GALNTL6: variants seen among roughly 807,000 people sequenced by gnomAD.
The protein encoded by GALNTL6 is polypeptide N-acetylgalactosaminyltransferase like 6.
GALNTL6 carries 46 observed loss-of-function variants against 73.7 expected under a neutral mutation model. The observed-to-expected ratio is 0.62, with a 90% confidence interval of 0.49 to 0.80. The LOEUF (loss-of-function observed/expected upper bound fraction) is 0.80. Among genes scored for constraint, GALNTL6 ranks in the 30% least tolerant of loss-of-function variants. The probability of loss-of-function intolerance (pLI) is 0.00; values close to 1 mark genes in which losing one functional copy is unlikely to be tolerated. For missense variants in GALNTL6, 604 were observed against 755.0 expected (o/e 0.80, Z 2.34); for synonymous variants, 259 against 263.7 (o/e 0.98, Z 0.17).
chr4:172,724,401 C>G (rs1211133601), intron 5 of GALNTL6, among the ~76,000 whole-genome samples: 1 of 152,186 alleles, frequency 6.6e-6, no homozygotes, highest in African/African-American at 2.4e-5. Flanking sequence ...TAAGGAAACT[C>G]AGGACTAGTG....
intron 2 of GALNTL6, among the ~76,000 whole-genome samples, chr4:172,029,656 G>C (rs1741706235): frequency 6.6e-6 from 1 of 152,036 alleles, no homozygotes; most frequent in Non-Finnish European, 1.5e-5. Flanking sequence ...TTCTGTAATA[G>C]AAATATCATG....
chr4:172,606,555 ATATATATATACATATACATAGTATATG>A (rs1738277889), intron 5 of GALNTL6, among the ~76,000 whole-genome samples: 3 of 130,786 alleles, frequency 2.3e-5, no homozygotes, highest in African/African-American at 8.0e-5. Flanking sequence ...AAGTGTATAT[ATATATATATACATATACATAGTATATG>A]TATATATATA....
At chr4:172,022,085 G>A (rs1311516804) in intron 2 of GALNTL6, among the ~76,000 whole-genome samples, 1 of 151,956 alleles carries the variant, frequency 6.6e-6, no homozygotes, top group Non-Finnish European at 1.5e-5. Context: ...ATGGATGAAT[G>A]GGATCACATC....
chr4:172,699,035 C>T (rs1348476595), intron 5 of GALNTL6, among the ~76,000 whole-genome samples: 5 of 152,074 alleles, frequency 3.3e-5, no homozygotes, highest in African/African-American at 4.8e-5. Context: ...TTGGCAGATT[C>T]GGTGTTTAGA....
At chr4:171,866,957 T>C (rs1314024124) in intron 2 of GALNTL6, among the ~76,000 whole-genome samples, 1 of 152,180 alleles carries the variant, frequency 6.6e-6, no homozygotes, top group Non-Finnish European at 1.5e-5. Context: ...TACAGGTATT[T>C]ACAAAATAAG....
intron 5 of GALNTL6, among the ~76,000 whole-genome samples, chr4:172,443,609 T>C (rs1311981089): frequency 6.6e-6 from 1 of 152,144 alleles, no homozygotes; most frequent in Non-Finnish European, 1.5e-5. Context: ...GTGAGAGATA[T>C]GACTGAGAAC....
chr4:171,990,289 C>A (rs1479122966), intron 2 of GALNTL6, among the ~76,000 whole-genome samples: 8 of 152,098 alleles, frequency 5.3e-5, no homozygotes, highest in African/African-American at 1.9e-4. Flanking sequence ...CTAAGTACTT[C>A]ATATTTATTA....
intron 3 of GALNTL6, among the ~76,000 whole-genome samples, chr4:172,254,989 A>T (rs1738023228): frequency 6.6e-6 from 1 of 151,714 alleles, no homozygotes; most frequent in Non-Finnish European, 1.5e-5. Flanking sequence ...GATGGCAGAA[A>T]TTCAAACACA....
intron 2 of GALNTL6, among the ~76,000 whole-genome samples, chr4:171,944,748 A>T (rs1259526376): frequency 1.3e-5 from 2 of 151,868 alleles, no homozygotes; most frequent in Non-Finnish European, 2.9e-5. Flanking sequence ...TTCTTCACTA[A>T]TATGTAAGTT....
At chr4:171,890,448 G>A (rs1178514882) in intron 2 of GALNTL6, among the ~76,000 whole-genome samples, 1 of 151,950 alleles carries the variant, frequency 6.6e-6, no homozygotes, top group Non-Finnish European at 1.5e-5. Flanking sequence ...TTATGTAAAT[G>A]ACATGTACTC....
chr4:172,585,086 A>T (rs1404477961), intron 5 of GALNTL6, among the ~76,000 whole-genome samples: 2 of 145,974 alleles, frequency 1.4e-5, no homozygotes, highest in Admixed American at 1.4e-4. Flanking sequence ...GAATTGACCA[A>T]TACGGAAATA....
At chr4:172,154,732 T>C (rs913583960) in intron 2 of GALNTL6, among the ~76,000 whole-genome samples, 8 of 152,332 alleles carry the variant, frequency 5.3e-5, no homozygotes, top group African/African-American at 1.7e-4. Flanking sequence ...GCAAGTACCA[T>C]TCTCCAGGCA....
chr4:173,004,265 C>A (rs890100320), intron 10 of GALNTL6, among the ~76,000 whole-genome samples: 2 of 152,164 alleles, frequency 1.3e-5, no homozygotes, highest in African/African-American at 4.8e-5. Flanking sequence ...CCATCCAGTT[C>A]TCTTTCTGTG....
rs79068911 is a variant in GALNTL6 at position 171,929,382 on chromosome 4, G to A, written c.138+114664G>A. Among the ~76,000 whole-genome samples the A allele has an allele frequency of 1.0e-2, 1,521 of 152,158 alleles. 21 individuals carry two copies. Among genetic ancestry groups the A allele is most frequent in the African/African-American group, 0.035 (1,444 of 41,522 alleles). The stretch of plus-strand genomic sequence containing the variant: ...CCTCCATTTTATTTTATACATAAAA[G>A]GTCTTACAATCGTTTAAACATTAAG... On this transcript the variant is annotated intron_variant, in intron 2 of 12. Coordinates refer to ENST00000506823, the MANE Select transcript of GALNTL6 (RefSeq NM_001034845.3).
chr4:172,730,594 C>A (rs138580860), intron 5 of GALNTL6, among the ~76,000 whole-genome samples: 3 of 152,062 alleles, frequency 2.0e-5, no homozygotes, highest in Non-Finnish European at 4.4e-5. Context: ...TCATGGTGAA[C>A]GATCTTTTTA....
intron 5 of GALNTL6, among the ~76,000 whole-genome samples, chr4:172,657,191 A>G (rs959092810): frequency 9.2e-5 from 14 of 152,174 alleles, no homozygotes; most frequent in African/African-American, 3.1e-4. Flanking sequence ...AAGCTTCATG[A>G]TACTTTCTTG....
chr4:172,181,552 C>T (rs1161279364), intron 2 of GALNTL6, among the ~76,000 whole-genome samples: 2 of 152,110 alleles, frequency 1.3e-5, no homozygotes. Flanking sequence ...CAAGGATGCC[C>T]TCTCTCACCA....
At chr4:172,890,241 T>A (rs1383587196) in intron 8 of GALNTL6, among the ~76,000 whole-genome samples, 1 of 152,138 alleles carries the variant, frequency 6.6e-6, no homozygotes. Context: ...GATTTTTGAG[T>A]CTCAATTTCA....
intron 5 of GALNTL6, among the ~76,000 whole-genome samples, chr4:172,604,938 G>A (rs964102345): frequency 4.6e-5 from 7 of 152,212 alleles, no homozygotes; most frequent in East Asian, 1.9e-4. Context: ...TGACCACAGA[G>A]CAGTTGCTCT....
Sources: allele counts gnomAD v4.1 joint callset (sites outside exome capture counted in the v4.1 genomes callset), GRCh38; gene constraint gnomAD v4.1.1; transcripts MANE v1.5; gene names NCBI Gene and HGNC (gene_info 2026-07-23, HGNC 2026-07-21).